NAB2: variants seen among roughly 807,000 people sequenced by gnomAD.
NAB2 encodes NGFI-A binding protein 2, also known as NGFI-A-binding protein 2.
A neutral mutation model predicts 44.2 loss-of-function variants in NAB2; 9 were observed. The ratio of observed to expected loss-of-function variants is 0.20; its 90% CI spans 0.12 to 0.36. The LOEUF is 0.36. NAB2 is among the 10% of genes least tolerant of loss of function. The pLI is 1.00. For missense variants in NAB2, 514 were observed against 709.0 expected, an observed-to-expected ratio of 0.73 and a Z score of 3.12; for synonymous variants, 342 against 291.0, an observed-to-expected ratio of 1.18 and a Z score of -1.78.
intron 1 of NAB2, among the ~76,000 whole-genome samples, chr12:57,090,523 A>G (rs1159120157): frequency 6.6e-6 from 1 of 152,154 alleles, no homozygotes; most frequent in African/African-American, 2.4e-5. Flanking sequence ...AACCCCTGGG[A>G]AAAGCTGAGC....
chr12:57,092,118 C>T (rs983077896), intron 2 of NAB2, 120 bp downstream of exon 2: 2 of 1,442,196 alleles, frequency 1.4e-6, no homozygotes, highest in African/African-American at 2.9e-5. Flanking sequence ...ACCCCAGGCC[C>T]TGATCCCCTC....
At chr12:57,092,703 G>A in intron 3 of NAB2, 122 bp downstream of exon 3, 4 of 1,406,154 alleles carry the variant, frequency 2.8e-6, no homozygotes, top group Non-Finnish European at 3.9e-6. Context: ...TCCTGCTTTT[G>A]GCCAAGTCAG....
Position 57,091,338 on chromosome 12 carries a change from G to T in NAB2, c.297G>T (p.Leu99=). The stretch of plus-strand genomic sequence containing the variant: ...CCAAGCCCCTCCATGTCCGGCGCCT[G>T]CAGAAGGCACTGAGAGAGTGGGCCA... ...MATKPLHVRR[L]QKALREWATN... The change falls in exon 2 of 7, where the codon CTG becomes CTT. Residue 99 remains leucine, a synonymous_variant. Coordinates refer to ENST00000300131, the MANE Select transcript of NAB2 (RefSeq NM_005967.4). This position sits in a 1 kb window ranked among gnomAD's most constrained non-coding sequence, Gnocchi z 7.3. 6.2e-7 allele frequency: 1 copy of T among 1,613,836 alleles called. No individual in the cohort carries two copies. The highest frequency in any genetic ancestry group is 8.5e-7 in the Non-Finnish European group (1 of 1,179,720).
chr12:57,091,585 C>A lies in NAB2; in HGVS notation c.544C>A (p.Pro182Thr). 6.2e-7 allele frequency: 1 copy of A among 1,605,484 alleles called. No individual in the cohort carries two copies. Among genetic ancestry groups the A allele is most frequent in the Non-Finnish European group, 8.5e-7 (1 of 1,174,160 alleles). Residue 182 changes from proline (P) to threonine (T), a missense_variant, in exon 2 of 7, where the codon CCC (proline) becomes ACC (threonine). By Grantham distance (38) the Pro-to-Thr change is conservative. Around this residue, in one of 5 missense-constraint regions of NAB2, gnomAD observed 177 missense variants for 200.5 expected, o/e 0.88. Transcript: ENST00000300131. This position sits in a 1 kb window ranked among gnomAD's most constrained non-coding sequence, Gnocchi z 7.3. ...GCCTGGGGGACCTGGGGCAGGGGAC[C>A]CCCGGATCTGGCCAGGCCGGAGCAC... is the stretch of plus-strand genomic sequence containing the variant. The part of the protein sequence containing the change: ...PLPGGPGAGD[P>T]RIWPGRSTPE...
In NAB2 at chr12:57,093,201, T is replaced by A. The variant is rs1479610588; in HGVS notation, c.1276+6T>A. The A allele has an allele frequency of 6.9e-6, 11 of 1,592,626 alleles. No homozygotes were observed. In the Middle Eastern group the frequency reaches 6.8e-4, roughly 99 times the overall value. On this transcript the variant is annotated splice_donor_region_variant and intron_variant, in intron 5 of 6. Transcript: ENST00000300131. ...TCTGGATGGACATTTGCAGGGTGAG[T>A]GTGCCTCAGAACACTTTTCTCTTCA...
In NAB2 at chr12:57,091,452, G is replaced by C. The variant is rs775958013; in HGVS notation, c.411G>C (p.Arg137=). 8 of 1,614,192 alleles carry C rather than the reference G, an allele frequency of 5.0e-6. No individual in the cohort carries two copies. The South Asian group carries it at 7.7e-5, about 16-fold the overall frequency. The change falls in exon 2 of 7, where the codon CGG becomes CGC. Residue 137 remains arginine, a synonymous_variant. Transcript: ENST00000300131. This position sits in a 1 kb window ranked among gnomAD's most constrained non-coding sequence, Gnocchi z 7.3. ...AGATCTCTGAGACTGCGGGTACCCG[G>C]AAAGGGAGCATGAGCAATGGGCATG... ...LFKISETAGT[R]KGSMSNGHGS...
chr12:57,089,429 A>T, intron 1 of NAB2, 75 bp downstream of exon 1: 39 of 440,116 alleles, frequency 8.9e-5, no homozygotes, highest in Non-Finnish European at 1.2e-4. Flanking sequence ...CAGAGGGCGG[A>T]GGTCGAGGGG....
rs1381311186 is a variant in NAB2 at position 57,093,212 on chromosome 12, A to G, written c.1276+17A>G. 1.3e-6 allele frequency: 2 copies of G among 1,576,534 alleles called. No individual in the cohort carries two copies. The highest frequency in any genetic ancestry group is 3.6e-5 in the Admixed American group (2 of 56,186). ...ATTTGCAGGGTGAGTGTGCCTCAGA[A>G]CACTTTTCTCTTCATTGAGGGTGGG... is the stretch of plus-strand genomic sequence containing the variant. On this transcript the variant is annotated intron_variant, in intron 5 of 6. Transcript: ENST00000300131.
At chr12:57,090,809 C>G (rs567901960) in intron 1 of NAB2, among the ~76,000 whole-genome samples, 19 of 152,224 alleles carry the variant, frequency 1.2e-4, no homozygotes, top group Non-Finnish European at 2.4e-4. Context: ...TCAGCCTCAG[C>G]GCTCAAGTTC....
At chr12:57,090,796 T>C (rs1264068176) in intron 1 of NAB2, among the ~76,000 whole-genome samples, 1 of 152,218 alleles carries the variant, frequency 6.6e-6, no homozygotes, top group African/African-American at 2.4e-5. Flanking sequence ...AGGTCGGTGC[T>C]GGTCAGCCTC....
rs1305460082 is a variant in NAB2 at position 57,091,967 on chromosome 12, G to A, written c.926G>A (p.Arg309Gln). 3 of 1,612,250 alleles carry A rather than the reference G, an allele frequency of 1.9e-6. No homozygotes were observed. The highest frequency in any genetic ancestry group is 2.2e-5 in the East Asian group (1 of 44,838). Residue 309 changes from arginine to glutamine, a missense_variant, in exon 2 of 7, where the codon CGG (arginine) becomes CAG (glutamine). This residue lies in a region of NAB2 where 53 missense variants were observed against 108.5 expected (regional missense o/e 0.49). Coordinates refer to ENST00000300131, the MANE Select transcript of NAB2 (RefSeq NM_005967.4). The surrounding 1 kb of genome is among the most constrained non-coding windows in gnomAD (Gnocchi z 7.3). ...ATCTATGGCCGTTTCGACTCTAAGC[G>A]GCGGGAGGGCAAGCAGCTCAGCCTG... ...SIIYGRFDSK[R>Q]REGKQLSLHE... is the part of the protein sequence containing the mutation.
At position 57,089,161 on chromosome 12, in the gene NAB2, A is replaced by C; in HGVS notation, c.-111A>C. 3 of 1,139,052 alleles carry C rather than the reference A, an allele frequency of 2.6e-6. No individual in the cohort carries two copies. Among genetic ancestry groups the C allele is most frequent in the Non-Finnish European group, 3.8e-6 (3 of 790,528 alleles). The allele number at this position is 1,139,052 out of a possible 1,614,324, so 70.6% of individuals were successfully genotyped here. A position where few individuals can be genotyped will look rare whatever the true frequency, so the allele number is the denominator to read the frequency against. The stretch of plus-strand genomic sequence containing the variant: ...AGAGAGAAGACGTGGAGGGAGGGAC[A>C]GAGCCTGGACAGCGGTGGACACGGC... On this transcript the variant is annotated 5_prime_UTR_variant, in exon 1 of 7. Transcript: ENST00000300131.
In NAB2 at chr12:57,094,689, G is replaced by A. The variant is rs757950689; in HGVS notation, c.1546G>A (p.Val516Met). 6 of 1,554,216 alleles carry A rather than the reference G, an allele frequency of 3.9e-6. No individual in the cohort carries two copies. Among genetic ancestry groups the A allele is most frequent in the Non-Finnish European group, 5.2e-6 (6 of 1,148,632 alleles). The change falls in exon 7 of 7, where the codon GTG becomes ATG. Residue 516 changes from valine to methionine, a missense_variant. Physicochemically the swap from Val to Met is conservative, Grantham distance 21 (BLOSUM62 1). Transcript: ENST00000300131. ...GCTGGTGGAGGGTCGCAGGAGCAGCGTGAAAGTGGAGGCTGAGGCCAGCCG... is the reference window on the plus strand; with the variant it reads ...GCTGGTGGAGGGTCGCAGGAGCAGCATGAAAGTGGAGGCTGAGGCCAGCCG... ...PALVEGRRSS[V>M]KVEAEASRQ
chr12:57,089,410 A>G, intron 1 of NAB2, 56 bp downstream of exon 1: 1 of 1,356,534 alleles, frequency 7.4e-7, no homozygotes, highest in Non-Finnish European at 9.8e-7. Context: ...TGGACTTGGG[A>G]ATGGGGTCCA....
Position 57,089,196 on chromosome 12 carries a change from G to C in NAB2, c.-76G>C, listed in dbSNP as rs562471798. 7.7e-6 allele frequency: 11 copies of C among 1,431,700 alleles called. No homozygotes were observed. In the Admixed American group the frequency reaches 1.0e-4, roughly 13 times the overall value. The allele number at this position is 1,431,700 out of a possible 1,614,324, so 88.7% of individuals were successfully genotyped here. ...CAGCGGTGGACACGGCATCGTGCGCGGGGAAGAGGGCAGCACGCAGCAGGC... is the reference window on the plus strand; with the variant it reads ...CAGCGGTGGACACGGCATCGTGCGCCGGGAAGAGGGCAGCACGCAGCAGGC... On this transcript the variant is annotated 5_prime_UTR_variant, in exon 1 of 7. Coordinates refer to ENST00000300131, the MANE Select transcript of NAB2 (RefSeq NM_005967.4).
rs752201723 is a variant in NAB2, at chr12:57,089,370, G to A, written c.83+16G>A. The stretch of plus-strand genomic sequence containing the variant: ...CCAGACTCAAGTTAGTGGGCAAAGG[G>A]AGGCAGCGGGGAGTGGAGATGGGTG... On this transcript the variant is annotated intron_variant, in intron 1 of 6. Transcript: ENST00000300131. 7.7e-6 allele frequency: 12 copies of A among 1,559,870 alleles called. No individual in the cohort carries two copies. The highest frequency in any genetic ancestry group is 7.8e-6 in the Non-Finnish European group (9 of 1,151,674).
chr12:57,092,264 C>T, intron 2 of NAB2, 184 bp from the exon 3 acceptor site: 3 of 1,057,192 alleles, frequency 2.8e-6, no homozygotes, highest in Non-Finnish European at 4.0e-6. Context: ...CCCGGGCATT[C>T]CTAGGAAGCT....
Position 57,089,304 on chromosome 12 carries a change from G to GCCGCCGGGCGGAGGGGACAGCGC in NAB2, c.41_63dup (p.Thr22AlafsTer90). 1 of 1,578,590 alleles carries GCCGCCGGGCGGAGGGGACAGCGC rather than the reference G, an allele frequency of 6.3e-7. No individual in the cohort carries two copies. The highest frequency in any genetic ancestry group is 1.8e-5 in the Admixed American group (1 of 54,460). ...GAGCGCCTTCCCCCACAGCCGAGCA[G>GCCGCCGGGCGGAGGGGACAGCGC]CCGCCGGGCGGAGGGGACAGCGCCC... On this transcript the variant is annotated frameshift_variant, in exon 1 of 7. Coordinates refer to ENST00000300131, the MANE Select transcript of NAB2 (RefSeq NM_005967.4). LOFTEE classifies it high-confidence loss of function.
Position 57,093,106 on chromosome 12 carries a change from G to T in NAB2, c.1187G>T (p.Gly396Val). 1.9e-6 allele frequency: 3 copies of T among 1,613,206 alleles called. No individual in the cohort carries two copies. The highest frequency in any genetic ancestry group is 2.5e-6 in the Non-Finnish European group (3 of 1,179,458). Residue 396 changes from glycine (G) to valine (V), a missense_variant, in exon 5 of 7, where the codon GGC becomes GTC. Gly to Val is a moderately radical substitution (Grantham distance 109). Transcript: ENST00000300131. ...CCTGAAATCCAGCAGCCTCCCCCAG[G>T]CCCTGAGTCCTATGTACCCCCATAC... Reference protein sequence around the residue: ...SHPEIQQPPPGPESYVPPYRP... With the variant: ...SHPEIQQPPPVPESYVPPYRP...
Sources: gnomAD v4.1 joint callset for allele counts (sites outside exome capture counted in the v4.1 genomes callset) on GRCh38, gnomAD v4.1.1 for gene constraint, gnomAD v4.1.1 regional missense constraint, Gnocchi (gnomAD v3.1) non-coding constraint, MANE v1.5 for transcripts, NCBI Gene and HGNC (gene_info 2026-07-23, HGNC 2026-07-21) for gene names.